Variants in GRM8 observed in about 807,000 individuals in gnomAD.
The protein encoded by GRM8 is metabotropic glutamate receptor 8.
A neutral mutation model predicts 87.2 loss-of-function variants in GRM8; 47 were observed. The ratio of observed to expected loss-of-function variants is 0.54; its 90% CI spans 0.43 to 0.69. GRM8 has a LOEUF of 0.69. Ranked by LOEUF, GRM8 falls within the 30% of genes least tolerant of loss-of-function variation. The pLI is 0.00. For synonymous variants in GRM8, 396 were observed against 404.5 expected (o/e 0.98, Z 0.25); for missense variants, 1,019 against 1,139.2 (o/e 0.89, Z 1.52).
rs952405021 is a variant in GRM8 at position 126,876,265 on chromosome 7, T to C, written c.1156+26277A>G. ...GCCTAGTATCTGAATGTCTGCAATA[T>C]GGAAAAAACGCTCCATTGGTGTTTG... On this transcript the variant is annotated intron_variant, in intron 6 of 10. Coordinates refer to ENST00000339582, the MANE Select transcript of GRM8 (RefSeq NM_000845.3). Among the ~76,000 whole-genome samples the C allele has an allele frequency of 2.9e-4, 44 of 152,110 alleles. 1 individual carries two copies. Among genetic ancestry groups the C allele is most frequent in the African/African-American group, 9.7e-5 (4 of 41,428 alleles).
chr7:126,581,409 T>C (rs977369747), intron 8 of GRM8, among the ~76,000 whole-genome samples: 2 of 152,072 alleles, frequency 1.3e-5, no homozygotes, highest in East Asian at 3.9e-4. Context: ...CAAAACTTCA[T>C]CTCAGGAGGA....
At position 126,982,879 on chromosome 7, in the gene GRM8, G is replaced by A. The variant is rs371527171; in HGVS notation, c.728-78196C>T. Among the ~76,000 whole-genome samples the A allele has an allele frequency of 2.6e-5, 4 of 152,256 alleles. No individual in the cohort carries two copies. The East Asian group carries it at 5.8e-4, about 22-fold the overall frequency. On this transcript the variant is annotated intron_variant, in intron 3 of 10. Coordinates refer to ENST00000339582, the MANE Select transcript of GRM8 (RefSeq NM_000845.3). ...CATTCCTGAAGGGTCTGAGCCATCT[G>A]CAGTCCTGCCTGGATTGGGCTGCTG...
chr7:126,728,194 G>A (rs1221419596), intron 7 of GRM8, among the ~76,000 whole-genome samples: 1 of 152,122 alleles, frequency 6.6e-6, no homozygotes, highest in African/African-American at 2.4e-5. Context: ...GATCCAGTAG[G>A]GGACTGCAGC....
intron 6 of GRM8, among the ~76,000 whole-genome samples, chr7:126,858,518 G>A (rs1168837987): frequency 6.6e-6 from 1 of 152,074 alleles, no homozygotes; most frequent in Non-Finnish European, 1.5e-5. Context: ...CTAAGATCCT[G>A]CACTTGGCTC....
At chr7:126,514,293 T>G (rs1001749539) in intron 9 of GRM8, among the ~76,000 whole-genome samples, 1 of 152,160 alleles carries the variant, frequency 6.6e-6, no homozygotes. Flanking sequence ...AATTTCTATG[T>G]GGTTTTATAG....
chr7:126,820,587 T>C (rs1794206454), intron 6 of GRM8, among the ~76,000 whole-genome samples: 1 of 152,218 alleles, frequency 6.6e-6, no homozygotes, highest in African/African-American at 2.4e-5. Context: ...AGAGATCACA[T>C]AATAGAAAAC....
rs17867739 is a variant in GRM8 at position 127,041,792 on chromosome 7, C to A, written c.727+64704G>T. 3.4e-3 allele frequency among the ~76,000 whole-genome samples: 522 copies of A among 152,250 alleles called. 9 individuals are homozygous for A. The South Asian group carries it at 0.05, about 15-fold the overall frequency. On this transcript the variant is annotated intron_variant, in intron 3 of 10. Transcript: ENST00000339582. ...AGTCAGGTTGGTTTATGCAAATGAA[C>A]GATGGAAACTAGCTTAGTGCTGGTT...
intron 2 of GRM8, among the ~76,000 whole-genome samples, chr7:127,125,828 C>T (rs1044187181): frequency 4.8e-5 from 7 of 145,486 alleles, no homozygotes; most frequent in East Asian, 2.0e-4. Flanking sequence ...GAGCAAAAGA[C>T]GGTTTTCAAA....
intron 2 of GRM8, among the ~76,000 whole-genome samples, chr7:127,121,975 T>A (rs2133184070): frequency 6.6e-6 from 1 of 152,308 alleles, no homozygotes; most frequent in African/African-American, 2.4e-5. Flanking sequence ...GTTGACACCC[T>A]AGTGAATGTG....
At chr7:126,890,935 G>C (rs1346628929) in intron 6 of GRM8, among the ~76,000 whole-genome samples, 1 of 151,972 alleles carries the variant, frequency 6.6e-6, no homozygotes, top group Non-Finnish European at 1.5e-5. Flanking sequence ...ATACTAGTGA[G>C]GCCCCAATTC....
At chr7:127,201,347 A>G (rs1043915054) in intron 2 of GRM8, among the ~76,000 whole-genome samples, 6 of 152,208 alleles carry the variant, frequency 3.9e-5, no homozygotes, top group African/African-American at 1.4e-4. Context: ...AACTTACCCA[A>G]GGTCACACAC....
chr7:126,901,018 A>G (rs76453658), intron 6 of GRM8, among the ~76,000 whole-genome samples: 77 of 151,910 alleles, frequency 5.1e-4, no homozygotes, highest in African/African-American at 1.8e-3. Context: ...AAATTCCTCA[A>G]CTCTGGAACT....
Position 127,252,856 on chromosome 7 carries a change from G to GCGCCGCCGCCGCCGCCGCCGCCGCCGC in GRM8, c.-398_-372dup, listed in dbSNP as rs550378317. 3.8e-5 allele frequency: 8 copies of GCGCCGCCGCCGCCGCCGCCGCCGCCGC among 212,622 alleles called. No individual in the cohort carries two copies. Among genetic ancestry groups the GCGCCGCCGCCGCCGCCGCCGCCGCCGC allele is most frequent in the African/African-American group, 1.9e-4 (8 of 41,936 alleles). 13.2% of individuals were successfully genotyped at this position (212,622 alleles called of 1,614,324 possible). A position where few individuals can be genotyped will look rare whatever the true frequency, so the allele number is the denominator to read the frequency against. ...GCCGGGGGCCCGCAGCTCCATGTCA[G>GCGCCGCCGCCGCCGCCGCCGCCGCCGC]CGCCGCCGCCGCCGCCGCCGCCGCC... On this transcript the variant is annotated 5_prime_UTR_variant, in exon 1 of 11. Coordinates refer to ENST00000339582, the MANE Select transcript of GRM8 (RefSeq NM_000845.3). The surrounding 1 kb of genome is among the most constrained non-coding windows in gnomAD (Gnocchi z 4.9).
chr7:127,233,078 C>T (rs1370143189), intron 2 of GRM8, among the ~76,000 whole-genome samples: 2 of 152,156 alleles, frequency 1.3e-5, no homozygotes, highest in Admixed American at 6.5e-5. Context: ...GATCCACCTG[C>T]CTCGGCCTCC....
intron 7 of GRM8, among the ~76,000 whole-genome samples, chr7:126,676,489 A>G (rs1443439963): frequency 1.3e-5 from 2 of 152,242 alleles, no homozygotes; most frequent in African/African-American, 2.4e-5. Context: ...ACAAGGCTAT[A>G]GTAACCAAGA....
At chr7:126,668,665 T>A (rs1411469579) in intron 7 of GRM8, among the ~76,000 whole-genome samples, 1 of 152,138 alleles carries the variant, frequency 6.6e-6, no homozygotes, top group Non-Finnish European at 1.5e-5. Flanking sequence ...AATAAGCTTT[T>A]CTCTTGGTGG....
At chr7:126,943,408 T>C (rs1807185524) in intron 3 of GRM8, among the ~76,000 whole-genome samples, 1 of 152,164 alleles carries the variant, frequency 6.6e-6, no homozygotes, top group African/African-American at 2.4e-5. Flanking sequence ...CTAAAGATGA[T>C]GTTAAAGAGA....
At chr7:126,790,388 A>C (rs572963351) in intron 6 of GRM8, among the ~76,000 whole-genome samples, 1 of 152,284 alleles carries the variant, frequency 6.6e-6, no homozygotes, top group African/African-American at 2.4e-5. Context: ...TTGTATTGCA[A>C]TTTTCTGTCA....
chr7:127,055,990 G>GCT (rs1300509675), intron 3 of GRM8, among the ~76,000 whole-genome samples: 1 of 152,134 alleles, frequency 6.6e-6, no homozygotes, highest in Non-Finnish European at 1.5e-5. Flanking sequence ...AGGTATGACT[G>GCT]AACAGTTATA....
Sources: gnomAD v4.1 joint callset for allele counts (sites outside exome capture counted in the v4.1 genomes callset) on GRCh38, gnomAD v4.1.1 for gene constraint, Gnocchi (gnomAD v3.1) non-coding constraint, MANE v1.5 for transcripts, NCBI Gene and HGNC (gene_info 2026-07-23, HGNC 2026-07-21) for gene names.